Variants in CNIH4 observed in about 807,000 individuals in gnomAD.
The protein encoded by CNIH4 is cornichon family member 4.
A neutral mutation model predicts 21.5 loss-of-function variants in CNIH4; 9 were observed. That is an observed-to-expected ratio of 0.42 (90% CI 0.25 to 0.73). The LOEUF (loss-of-function observed/expected upper bound fraction) is 0.73. Ranked by LOEUF, CNIH4 falls within the 30% of genes least tolerant of loss-of-function variation. CNIH4 has a pLI of 0.27. For missense variants in CNIH4, 159 were observed against 170.0 expected (o/e 0.94, Z 0.36); for synonymous variants, 67 against 59.1 (o/e 1.13, Z -0.61).
intron 2 of CNIH4, among the ~76,000 whole-genome samples, chr1:224,362,584 G>A (rs576706370): frequency 3.4e-5 from 5 of 147,920 alleles, no homozygotes; most frequent in Admixed American, 6.8e-5. Flanking sequence ...CTACCTCCCC[G>A]GTTCACGCCA....
At chr1:224,361,177 G>A (rs1027674952) in intron 2 of CNIH4, among the ~76,000 whole-genome samples, 32 of 146,610 alleles carry the variant, frequency 2.2e-4, no homozygotes, top group Non-Finnish European at 4.2e-4. Flanking sequence ...GTGCAGTGGT[G>A]TGATCTGGAC....
rs1216663019 is a variant in CNIH4, at chr1:224,375,841, T to A, written c.*19T>A. Reference sequence around the variant, plus strand: ...TGACTGAAGCTGGAGAAGCCGTGGTTGAAGTCAGCCTACACTACAGTGCAC... The same window carrying A: ...TGACTGAAGCTGGAGAAGCCGTGGTAGAAGTCAGCCTACACTACAGTGCAC... On this transcript the variant is annotated 3_prime_UTR_variant, in exon 5 of 5. Transcript: ENST00000465271. 6.2e-7 allele frequency: 1 copy of A among 1,613,996 alleles called. No individual in the cohort carries two copies. The highest frequency in any genetic ancestry group is 8.5e-7 in the Non-Finnish European group (1 of 1,179,982).
At chr1:224,360,867 C>A (rs1398134827) in intron 2 of CNIH4, among the ~76,000 whole-genome samples, 1 of 152,132 alleles carries the variant, frequency 6.6e-6, no homozygotes, top group Non-Finnish European at 1.5e-5. Context: ...CGTTGGAACT[C>A]CCTCCTCCCA....
Position 224,364,070 on chromosome 1 carries a change from A to G in CNIH4, c.139-1809A>G, listed in dbSNP as rs111649619. On this transcript the variant is annotated intron_variant, in intron 2 of 4. Coordinates refer to ENST00000465271, the MANE Select transcript of CNIH4 (RefSeq NM_014184.4). ...TTGGTTGAAAGTCAGTAAACCAAGCATAATAAGGTGAAGTCTTGCTTCCTG... is the reference window on the plus strand; with the variant it reads ...TTGGTTGAAAGTCAGTAAACCAAGCGTAATAAGGTGAAGTCTTGCTTCCTG... 1.3e-3 allele frequency: 1,257 copies of G among 985,422 alleles called. 13 individuals are homozygous for G. The African/African-American group carries it at 0.02, about 16-fold the overall frequency. 61.0% of individuals were successfully genotyped at this position (985,422 alleles called of 1,614,324 possible). A position where few individuals can be genotyped will look rare whatever the true frequency, so the allele number is the denominator to read the frequency against.
rs1219763223 is a variant in CNIH4 at position 224,378,001 on chromosome 1, C to T, written c.*2179C>T. The T allele has an allele frequency of 6.6e-6, 1 of 152,070 alleles. No individual in the cohort carries two copies. The highest frequency in any genetic ancestry group is 2.4e-5 in the African/African-American group (1 of 41,404). The allele number at this position is 152,070 out of a possible 1,614,324, so 9.4% of individuals were successfully genotyped here. A position where few individuals can be genotyped will look rare whatever the true frequency, so the allele number is the denominator to read the frequency against. On this transcript the variant is annotated 3_prime_UTR_variant, in exon 5 of 5. Coordinates refer to ENST00000465271, the MANE Select transcript of CNIH4 (RefSeq NM_014184.4). Reference sequence around the variant, plus strand: ...TGGTTAAAAACAAAAACTCTTCCTTCTTGTATTGCTTGTCTATCAAAGCCA... The same window carrying T: ...TGGTTAAAAACAAAAACTCTTCCTTTTTGTATTGCTTGTCTATCAAAGCCA...
chr1:224,358,582 A>C (rs1672183961), intron 1 of CNIH4, among the ~76,000 whole-genome samples: 1 of 151,604 alleles, frequency 6.6e-6, no homozygotes, highest in East Asian at 1.9e-4. Context: ...TTTTTTGGTG[A>C]TTTTTTTTTA....
At chr1:224,360,357 C>G (rs561717859) in intron 1 of CNIH4, 138 bp from the exon 2 acceptor site, 1 of 458,228 alleles carries the variant, frequency 2.2e-6, no homozygotes, top group Non-Finnish European at 3.9e-6. Flanking sequence ...ATTGAGTTGT[C>G]TAATGAGCAA....
chr1:224,372,171 G>A (rs1242612770), intron 4 of CNIH4, among the ~76,000 whole-genome samples: 3 of 152,116 alleles, frequency 2.0e-5, no homozygotes, highest in East Asian at 1.9e-4. Flanking sequence ...TGGTAAAGTT[G>A]TATCAGTCTT....
intron 2 of CNIH4, among the ~76,000 whole-genome samples, chr1:224,364,675 C>T (rs1219267384): frequency 3.3e-5 from 5 of 152,130 alleles, no homozygotes; most frequent in African/African-American, 1.2e-4. Context: ...TGGCTCACGC[C>T]TGTAATCCCA....
intron 4 of CNIH4, among the ~76,000 whole-genome samples, chr1:224,373,436 A>G (rs2897051): frequency 0.98 from 149,313 of 152,234 alleles, 73,288 homozygotes; most frequent in East Asian, 1. Flanking sequence ...CATGCTTTGC[A>G]GAGTAAATTT....
chr1:224,371,439 T>C lies in CNIH4; in HGVS notation c.392+16T>C, dbSNP rs760050778. The C allele has an allele frequency of 1.9e-6, 3 of 1,605,562 alleles. No individual in the cohort carries two copies. Among genetic ancestry groups the C allele is most frequent in the South Asian group, 1.1e-5 (1 of 89,788 alleles). On this transcript the variant is annotated intron_variant, in intron 4 of 4. Transcript: ENST00000465271. ...ATCTTTATAGGTGAGTTTAAAGTCC[T>C]GGTATTTTCCTAGATGCCATATTTG...
intron 1 of CNIH4, among the ~76,000 whole-genome samples, chr1:224,359,685 C>T (rs1672218721): frequency 6.6e-6 from 1 of 152,138 alleles, no homozygotes; most frequent in Non-Finnish European, 1.5e-5. Context: ...ATTCTCCTGC[C>T]TCAGCCTCTC....
At chr1:224,365,852 A>G in intron 2 of CNIH4, 27 bp from the exon 3 acceptor site, 1 of 1,251,918 alleles carries the variant, frequency 8.0e-7, no homozygotes, top group Non-Finnish European at 1.2e-6. Context: ...TAGCAGTGAG[A>G]TGTAATACTG....
intron 3 of CNIH4, among the ~76,000 whole-genome samples, chr1:224,369,606 A>G (rs1274952905): frequency 6.6e-6 from 1 of 152,052 alleles, no homozygotes; most frequent in African/African-American, 2.4e-5. Flanking sequence ...CTAAAAAAGT[A>G]TAACTGGATC....
chr1:224,372,176 A>G (rs1672650815), intron 4 of CNIH4, among the ~76,000 whole-genome samples: 1 of 152,190 alleles, frequency 6.6e-6, no homozygotes, highest in Admixed American at 6.5e-5. Flanking sequence ...AAGTTGTATC[A>G]GTCTTCTAGT....
rs372916692 is a variant in CNIH4, at chr1:224,379,426, TAA to T, written c.*3606_*3607del. ...AACACAGTGCCTTGCACACAAACAA[TAA>T]ATGATTGTTGAGTGAATAAGTAAAC... On this transcript the variant is annotated 3_prime_UTR_variant, in exon 5 of 5. Coordinates refer to ENST00000465271, the MANE Select transcript of CNIH4 (RefSeq NM_014184.4). 1 of 267,956 alleles carries T rather than the reference TAA, an allele frequency of 3.7e-6. No individual in the cohort carries two copies. The highest frequency in any genetic ancestry group is 7.3e-6 in the Non-Finnish European group (1 of 137,566). 16.6% of individuals were successfully genotyped at this position (267,956 alleles called of 1,614,324 possible). A position where few individuals can be genotyped will look rare whatever the true frequency, so the allele number is the denominator to read the frequency against.
At position 224,364,296 on chromosome 1, in the gene CNIH4, C is replaced by T. The variant is rs186542863; in HGVS notation, c.139-1583C>T. ...TGTCTGTGTAATACAAAGATGACTG[C>T]AGCCTACAGTAAGAAATCCAGAGAC... is the stretch of plus-strand genomic sequence containing the variant. On this transcript the variant is annotated intron_variant, in intron 2 of 4. Transcript: ENST00000465271. 1.2e-4 allele frequency: 116 copies of T among 985,360 alleles called. 3 individuals are homozygous for T. The African/African-American group carries it at 1.4e-3, about 12-fold the overall frequency. The allele number at this position is 985,360 out of a possible 1,614,324, so 61.0% of individuals were successfully genotyped here.
chr1:224,379,125 G>A lies in CNIH4; in HGVS notation c.*3303G>A, dbSNP rs754762448. ...CCTCGGCTGAGAAAGAAGAGGAAGC[G>A]AAATCCAAGATGCAGCTCAGTTCAT... On this transcript the variant is annotated 3_prime_UTR_variant, in exon 5 of 5. Coordinates refer to ENST00000465271, the MANE Select transcript of CNIH4 (RefSeq NM_014184.4). 39 of 1,549,852 alleles carry A rather than the reference G, an allele frequency of 2.5e-5. No individual in the cohort carries two copies. Among genetic ancestry groups the A allele is most frequent in the Non-Finnish European group, 3.1e-5 (35 of 1,146,338 alleles).
chr1:224,364,303 C>T (rs1672387241), intron 2 of CNIH4: 1 of 985,160 alleles, frequency 1.0e-6, no homozygotes. Context: ...CTGCAGCCTA[C>T]AGTAAGAAAT....
Sources: gnomAD v4.1 joint callset for allele counts (sites outside exome capture counted in the v4.1 genomes callset) on GRCh38, gnomAD v4.1.1 for gene constraint, MANE v1.5 for transcripts, NCBI Gene and HGNC (gene_info 2026-07-23, HGNC 2026-07-21) for gene names.